CTIF: variants seen among roughly 807,000 people sequenced by gnomAD.
CTIF encodes the protein cap binding complex dependent translation initiation factor.
Under a neutral mutation model 66.0 loss-of-function variants are expected in CTIF, and 21 were observed. The ratio of observed to expected loss-of-function variants is 0.32; its 90% CI spans 0.23 to 0.46. The LOEUF is 0.46. CTIF is among the 20% of genes least tolerant of loss of function. The probability of loss-of-function intolerance (pLI) is 1.00; values close to 1 mark genes in which losing one functional copy is unlikely to be tolerated. For synonymous variants in CTIF, 345 were observed against 326.4 expected, an observed-to-expected ratio of 1.06 and a Z score of -0.62; for missense variants, 739 against 812.7, an observed-to-expected ratio of 0.91 and a Z score of 1.10.
In CTIF at chr18:48,761,818, A is replaced by AATT; in HGVS notation, c.1371+132_1371+134dup. On this transcript the variant is annotated intron_variant, in intron 9 of 11. Transcript: ENST00000256413. This position sits in a 1 kb window ranked among gnomAD's most constrained non-coding sequence, Gnocchi z 4.2. ...TCCCAAGTTCCGCCCTTGCCCGATTAATTATAGAAAACACAAAGGCAGTTA... is the reference window on the plus strand; with the variant it reads ...TCCCAAGTTCCGCCCTTGCCCGATTAATTATTATAGAAAACACAAAGGCAGTTA... 1 of 935,932 alleles carries AATT rather than the reference A, an allele frequency of 1.1e-6. No individual in the cohort carries two copies. The highest frequency in any genetic ancestry group is 1.6e-6 in the Non-Finnish European group (1 of 639,920). The allele number at this position is 935,932 out of a possible 1,614,324, so 58.0% of individuals were successfully genotyped here. A position where few individuals can be genotyped will look rare whatever the true frequency, so the allele number is the denominator to read the frequency against.
At position 48,828,515 on chromosome 18, in the gene CTIF, C is replaced by CTCCA. The variant is rs571685550; in HGVS notation, c.1527+11147_1527+11150dup. 5.1e-3 allele frequency among the ~76,000 whole-genome samples: 770 copies of CTCCA among 152,322 alleles called. 7 individuals carry two copies. The highest frequency in any genetic ancestry group is 3.7e-3 in the Non-Finnish European group (254 of 68,018). On this transcript the variant is annotated intron_variant, in intron 10 of 11. Coordinates refer to ENST00000256413, the MANE Select transcript of CTIF (RefSeq NM_014772.3). ...CAGTTCCCTCCCGGGGAGTCCTCAG[C>CTCCA]TCCATCCATCCTCCTAATTAGGGAG... is the stretch of plus-strand genomic sequence containing the variant.
At chr18:48,564,018 G>GAA (rs1437874172) in intron 1 of CTIF, among the ~76,000 whole-genome samples, 1 of 152,272 alleles carries the variant, frequency 6.6e-6, no homozygotes, top group African/African-American at 2.4e-5. Context: ...TGATCTGGGG[G>GAA]AAAGGCTGCT....
intron 3 of CTIF, among the ~76,000 whole-genome samples, chr18:48,640,549 G>A (rs572272459): frequency 1.3e-5 from 2 of 152,226 alleles, no homozygotes; most frequent in South Asian, 2.1e-4. Context: ...CACCCGTGGG[G>A]ACAATTAGTT....
chr18:48,651,933 A>G lies in CTIF; in HGVS notation c.253-11819A>G, dbSNP rs373573054. On this transcript the variant is annotated intron_variant, in intron 3 of 11. Transcript: ENST00000256413. Reference sequence around the variant, plus strand: ...TTGAAACCAGTGAGAACAAAGACACAACGTACCAGAATCCCTCGGACACAT... The same window carrying G: ...TTGAAACCAGTGAGAACAAAGACACGACGTACCAGAATCCCTCGGACACAT... 1.8e-4 allele frequency among the ~76,000 whole-genome samples: 28 copies of G among 152,376 alleles called. No individual in the cohort carries two copies. The East Asian group carries it at 1.9e-3, about 10-fold the overall frequency.
intron 2 of CTIF, 128 bp downstream of exon 2, chr18:48,619,873 G>C: frequency 1.1e-6 from 1 of 928,880 alleles, no homozygotes; most frequent in Non-Finnish European, 1.5e-6. Flanking sequence ...CCACCCAGCA[G>C]AGCACCCAGA....
chr18:48,630,405 T>C (rs2090682410), intron 2 of CTIF, among the ~76,000 whole-genome samples: 1 of 152,222 alleles, frequency 6.6e-6, no homozygotes, highest in Non-Finnish European at 1.5e-5. Context: ...GTTTAAAATT[T>C]GCATCTCAGA....
chr18:48,729,693 T>G (rs1244973857), intron 7 of CTIF, among the ~76,000 whole-genome samples: 2 of 152,172 alleles, frequency 1.3e-5, no homozygotes, highest in African/African-American at 4.8e-5. Context: ...CACGTGCTCC[T>G]TTTTCACCCA....
intron 6 of CTIF, among the ~76,000 whole-genome samples, chr18:48,676,333 C>T (rs575263535): frequency 5.2e-4 from 79 of 152,322 alleles, no homozygotes; most frequent in African/African-American, 1.6e-3. Flanking sequence ...TCTATCAGGA[C>T]GTATTTTGGT....
intron 9 of CTIF, among the ~76,000 whole-genome samples, chr18:48,808,516 C>CTTTT (rs34004475): frequency 1.8e-4 from 25 of 135,530 alleles, no homozygotes; most frequent in Admixed American, 6.6e-4. Flanking sequence ...ATTTTTGGTC[C>CTTTT]TTTTTTTTTT....
chr18:48,811,786 A>G (rs2068263229), intron 9 of CTIF, among the ~76,000 whole-genome samples: 1 of 152,164 alleles, frequency 6.6e-6, no homozygotes, highest in African/African-American at 2.4e-5. Context: ...TGTATATATC[A>G]CGTATTGTTG....
intron 1 of CTIF, among the ~76,000 whole-genome samples, chr18:48,554,556 G>A (rs775592788): frequency 4.6e-5 from 7 of 152,286 alleles, no homozygotes; most frequent in Non-Finnish European, 7.3e-5. Flanking sequence ...CCTGAAGGCA[G>A]GATCCACGAT....
rs1599186351 is a variant in CTIF, at chr18:48,861,724, CTG to C, written c.*2170_*2171del. Reference sequence around the variant, plus strand: ...GCTTCACGCAGGACGCTCCGAAACACTGTGTGGAGGGGGCTGTGTTGTGGGCA... The same window carrying C: ...GCTTCACGCAGGACGCTCCGAAACACTGTGGAGGGGGCTGTGTTGTGGGCA... On this transcript the variant is annotated 3_prime_UTR_variant, in exon 12 of 12. Transcript: ENST00000256413. 6.6e-6 allele frequency: 1 copy of C among 152,304 alleles called. No individual in the cohort carries two copies. The highest frequency in any genetic ancestry group is 2.4e-5 in the African/African-American group (1 of 41,464). 9.4% of individuals were successfully genotyped at this position (152,304 alleles called of 1,614,324 possible).
intron 9 of CTIF, among the ~76,000 whole-genome samples, chr18:48,799,732 T>A (rs539677075): frequency 6.6e-6 from 1 of 152,300 alleles, no homozygotes; most frequent in South Asian, 2.1e-4. Context: ...ATTTCCTCCC[T>A]GGGGTTGCCA....
At chr18:48,608,663 A>G (rs2090251202) in intron 1 of CTIF, among the ~76,000 whole-genome samples, 1 of 152,228 alleles carries the variant, frequency 6.6e-6, no homozygotes, top group South Asian at 2.1e-4. Context: ...TCTGCCTTGC[A>G]ACCATAGCAC....
At chr18:48,553,971 C>A (rs2088956488) in intron 1 of CTIF, among the ~76,000 whole-genome samples, 1 of 152,132 alleles carries the variant, frequency 6.6e-6, no homozygotes, top group African/African-American at 2.4e-5. Flanking sequence ...TTCTCTGCGG[C>A]CCACTCATGA....
chr18:48,545,616 A>G (rs569612390), intron 1 of CTIF, among the ~76,000 whole-genome samples: 12 of 141,810 alleles, frequency 8.5e-5, no homozygotes, highest in African/African-American at 2.8e-4. Flanking sequence ...TTGCTGGAGC[A>G]GGGTCTGCTG....
chr18:48,732,411 C>A (rs151127476), intron 7 of CTIF, among the ~76,000 whole-genome samples: 1,627 of 152,150 alleles, frequency 0.011, 12 homozygotes, highest in Middle Eastern at 0.024. Flanking sequence ...GCAGTGCACA[C>A]CCAGGAGACA....
chr18:48,806,321 T>C (rs2068146170), intron 9 of CTIF, among the ~76,000 whole-genome samples: 1 of 152,080 alleles, frequency 6.6e-6, no homozygotes, highest in Non-Finnish European at 1.5e-5. Context: ...CTCCCACAGC[T>C]CCCCATGGTC....
At chr18:48,630,955 G>A (rs1424235794) in intron 2 of CTIF, among the ~76,000 whole-genome samples, 1 of 152,076 alleles carries the variant, frequency 6.6e-6, no homozygotes, top group African/African-American at 2.4e-5. Context: ...GGGATTACAG[G>A]CATGAGCCAC....
Sources: allele counts gnomAD v4.1 joint callset (sites outside exome capture counted in the v4.1 genomes callset), GRCh38; gene constraint gnomAD v4.1.1; non-coding constraint Gnocchi (gnomAD v3.1); transcripts MANE v1.5; gene names NCBI Gene and HGNC (gene_info 2026-07-23, HGNC 2026-07-21).